Variants in SENP2 observed in about 807,000 individuals in gnomAD.
SENP2 encodes SUMO specific peptidase 2, also known as sentrin-specific protease 2.
A neutral mutation model predicts 86.3 loss-of-function variants in SENP2; 16 were observed. The ratio of observed to expected loss-of-function variants is 0.19; its 90% CI spans 0.13 to 0.28. SENP2 has a LOEUF of 0.28. Among genes scored for constraint, SENP2 ranks in the 10% least tolerant of loss-of-function variants. The pLI, the probability that SENP2 is intolerant of heterozygous loss-of-function variation, is 1.00. For synonymous variants in SENP2, 222 were observed against 238.7 expected, an observed-to-expected ratio of 0.93 and a Z score of 0.64; for missense variants, 552 against 703.0, an observed-to-expected ratio of 0.79 and a Z score of 2.43.
chr3:185,627,759 A>G (rs746385137), intron 16 of SENP2, among the ~76,000 whole-genome samples: 18 of 152,174 alleles, frequency 1.2e-4, no homozygotes, highest in Non-Finnish European at 2.2e-4. Context: ...TTGATTGGAA[A>G]CTCAAGTATG....
chr3:185,625,709 T>C (rs1048652093), intron 15 of SENP2, among the ~76,000 whole-genome samples: 3 of 152,216 alleles, frequency 2.0e-5, no homozygotes, highest in African/African-American at 7.2e-5. Flanking sequence ...TATCCAGAAC[T>C]TCTCTCTGTC....
intron 4 of SENP2, 110 bp downstream of exon 4, chr3:185,599,134 AC>A: frequency 2.7e-6 from 2 of 753,398 alleles, no homozygotes; most frequent in Non-Finnish European, 4.5e-6. Context: ...GATGAGAAAG[AC>A]ATTCTTTCTA....
In SENP2 at chr3:185,617,602, C is replaced by G. The variant is rs1369532864; in HGVS notation, c.1233C>G (p.Leu411=). The G allele has an allele frequency of 6.2e-7, 1 of 1,612,902 alleles. No individual in the cohort carries two copies. The highest frequency in any genetic ancestry group is 1.7e-5 in the Admixed American group (1 of 59,944). ...DIQTLKNYHW[L]NDEVINFYMN... ...AGACATTAAAGAACTATCACTGGCTCAATGATGAAGTAAGTTGTATTCCCT... is the reference window on the plus strand; with the variant it reads ...AGACATTAAAGAACTATCACTGGCTGAATGATGAAGTAAGTTGTATTCCCT... Residue 411 remains leucine, a synonymous_variant, in exon 12 of 17, where the codon CTC becomes CTG. Transcript: ENST00000296257.
chr3:185,609,486 A>G (rs1009299308), intron 7 of SENP2, 136 bp downstream of exon 7: 3 of 611,032 alleles, frequency 4.9e-6, no homozygotes, highest in Admixed American at 6.2e-5. Context: ...TTGCCTGGAT[A>G]TTTATCTAGT....
intron 5 of SENP2, among the ~76,000 whole-genome samples, chr3:185,603,959 T>C (rs1722429632): frequency 6.6e-6 from 1 of 151,950 alleles, no homozygotes; most frequent in Non-Finnish European, 1.5e-5. Context: ...CCATCTCTAC[T>C]AAAATACAAA....
Position 185,632,224 on chromosome 3 carries a change from G to GTTTTTTT in SENP2, c.*2386_*2392dup, listed in dbSNP as rs766556308. The GTTTTTTT allele has an allele frequency of 4.9e-4, 35 of 71,896 alleles. No individual in the cohort carries two copies. The highest frequency in any genetic ancestry group is 7.0e-4 in the Non-Finnish European group (24 of 34,112). The allele number at this position is 71,896 out of a possible 1,614,324, so 4.5% of individuals were successfully genotyped here. On this transcript the variant is annotated 3_prime_UTR_variant, in exon 17 of 17. Transcript: ENST00000296257. ...CATTAAAGCCAGTGGTTTTTTTTTT[G>GTTTTTTT]TTTTTTTTTTTTGTTTTTTTTTTTT...
At chr3:185,625,960 C>G (rs1355156318) in intron 15 of SENP2, among the ~76,000 whole-genome samples, 1 of 152,144 alleles carries the variant, frequency 6.6e-6, no homozygotes, top group African/African-American at 2.4e-5. Flanking sequence ...TCGGGTCATG[C>G]ACTCCATCTC....
intron 2 of SENP2, among the ~76,000 whole-genome samples, chr3:185,595,661 A>G (rs1042862684): frequency 7.2e-5 from 11 of 152,284 alleles, no homozygotes; most frequent in African/African-American, 1.9e-4. Flanking sequence ...TAATTAGGAC[A>G]TAGGATATTG....
intron 12 of SENP2, 66 bp downstream of exon 12, chr3:185,617,677 G>A: frequency 1.4e-6 from 2 of 1,439,288 alleles, no homozygotes; most frequent in Non-Finnish European, 1.9e-6. Flanking sequence ...TATAATCAAA[G>A]TGACTCCTAC....
chr3:185,614,450 T>G (rs1394673622), intron 10 of SENP2, 114 bp from the exon 11 acceptor site: 1 of 1,027,228 alleles, frequency 9.7e-7, no homozygotes, highest in African/African-American at 1.6e-5. Context: ...CTTGGGGGAT[T>G]TGCTAATTCT....
chr3:185,598,778 A>C (rs1226640815), intron 3 of SENP2, among the ~76,000 whole-genome samples, 180 bp from the exon 4 acceptor site: 1 of 152,234 alleles, frequency 6.6e-6, no homozygotes. Context: ...TTAAGGATGT[A>C]CAAAGAAACT....
At position 185,614,736 on chromosome 3, in the gene SENP2, C is replaced by T; in HGVS notation, c.1106C>T (p.Thr369Ile). The change falls in exon 11 of 17, where the codon ACA becomes ATA. Residue 369 changes from threonine (T) to isoleucine (I), a missense_variant. By Grantham distance (89) the Thr-to-Ile change is moderately conservative. Transcript: ENST00000296257. ...DRRTDDLLEL[T>I]EDMEKEISNA... is the part of the protein sequence containing the mutation. ...AGAACGGACGATCTCCTTGAACTTA[C>T]AGAGGTATTGTTCTTTGTATTGATC... The T allele has an allele frequency of 1.9e-6, 3 of 1,613,860 alleles. No homozygotes were observed. Among genetic ancestry groups the T allele is most frequent in the Non-Finnish European group, 2.5e-6 (3 of 1,179,844 alleles).
intron 8 of SENP2, chr3:185,612,399 A>G (rs1294492610): frequency 8.3e-6 from 4 of 482,936 alleles, no homozygotes; most frequent in Non-Finnish European, 1.5e-5. Flanking sequence ...CACTCAGTTT[A>G]TAGTAAAGAT....
At chr3:185,618,802 C>T (rs946784905) in intron 12 of SENP2, among the ~76,000 whole-genome samples, 6 of 152,050 alleles carry the variant, frequency 3.9e-5, no homozygotes, top group African/African-American at 1.2e-4. Context: ...TGGTGTGAAC[C>T]CGGGAGGCAG....
At position 185,600,847 on chromosome 3, in the gene SENP2, T is replaced by A; in HGVS notation, c.441T>A (p.Pro147=). ...VTRDQPRRVL[P]SFGFTLNSEG... is the part of the protein sequence containing the mutation. ...GAGATCAGCCACGCAGAGTCCTGCC[T>A]TCCTTTGGGTAAGTGTTAAATTCTT... The change falls in exon 5 of 17, where the codon CCT becomes CCA. Residue 147 remains proline, a synonymous_variant. Transcript: ENST00000296257. 6.2e-7 allele frequency: 1 copy of A among 1,605,800 alleles called. No individual in the cohort carries two copies. The highest frequency in any genetic ancestry group is 8.5e-7 in the Non-Finnish European group (1 of 1,172,540).
intron 14 of SENP2, among the ~76,000 whole-genome samples, chr3:185,622,506 G>A (rs1411540093): frequency 6.6e-6 from 1 of 152,158 alleles, no homozygotes; most frequent in African/African-American, 2.4e-5. Flanking sequence ...TGAATCTTGT[G>A]AAGAAAAGTT....
intron 2 of SENP2, among the ~76,000 whole-genome samples, chr3:185,591,416 A>G (rs528762506): frequency 5.9e-5 from 9 of 151,952 alleles, no homozygotes; most frequent in African/African-American, 1.4e-4. Flanking sequence ...TAGTGGTGCA[A>G]TCTCGACTCA....
At chr3:185,596,642 T>C (rs889414599) in intron 2 of SENP2, among the ~76,000 whole-genome samples, 13 of 150,950 alleles carry the variant, frequency 8.6e-5, no homozygotes, top group African/African-American at 2.9e-4. Context: ...AAAAGCTGCA[T>C]ATTTTATACT....
At chr3:185,592,571 A>G (rs994244947) in intron 2 of SENP2, among the ~76,000 whole-genome samples, 3 of 151,670 alleles carry the variant, frequency 2.0e-5, no homozygotes, top group Non-Finnish European at 4.4e-5. Flanking sequence ...GTGCTAACCA[A>G]TGTGTTAGGT....
Sources: gnomAD v4.1 joint callset for allele counts (sites outside exome capture counted in the v4.1 genomes callset) on GRCh38, gnomAD v4.1.1 for gene constraint, MANE v1.5 for transcripts, NCBI Gene and HGNC (gene_info 2026-07-23, HGNC 2026-07-21) for gene names.